The following SLC1A1 variants were observed in gnomAD, a reference collection of about 807,000 sequenced individuals.
SLC1A1 encodes the protein excitatory amino acid transporter 3.
A neutral mutation model predicts 53.3 loss-of-function variants in SLC1A1; 43 were observed. The observed-to-expected ratio is 0.81, with a 90% CI of 0.63 to 1.04. The LOEUF (loss-of-function observed/expected upper bound fraction) is 1.04, where lower values mean the gene tolerates loss of function less well. Among genes scored for constraint, SLC1A1 ranks in the 50% least tolerant of loss-of-function variants. The pLI is 0.00. For synonymous variants in SLC1A1, 307 were observed against 243.2 expected, an observed-to-expected ratio of 1.26 and a Z score of -2.44; for missense variants, 748 against 664.9, an observed-to-expected ratio of 1.12 and a Z score of -1.37.
chr9:4,495,811 C>T (rs978685617), intron 1 of SLC1A1, among the ~76,000 whole-genome samples: 4 of 152,134 alleles, frequency 2.6e-5, no homozygotes, highest in African/African-American at 9.7e-5. Flanking sequence ...TTGAGGTTAA[C>T]CTGCAGGGCT....
chr9:4,569,389 T>A (rs143128420), intron 6 of SLC1A1, among the ~76,000 whole-genome samples: 109 of 152,350 alleles, frequency 7.2e-4, no homozygotes, highest in Non-Finnish European at 1.4e-3. Context: ...AAATGGACCC[T>A]TAGTAGCCAG....
At chr9:4,539,403 C>T (rs1395065322) in intron 1 of SLC1A1, among the ~76,000 whole-genome samples, 3 of 152,044 alleles carry the variant, frequency 2.0e-5, no homozygotes, top group South Asian at 2.1e-4. Context: ...ACTTCAGAAC[C>T]TCTGAGACAA....
intron 11 of SLC1A1, 55 bp from the exon 12 acceptor site, chr9:4,585,257 G>A: frequency 1.2e-6 from 2 of 1,608,760 alleles, no homozygotes; most frequent in East Asian, 2.2e-5. Flanking sequence ...TCTCTCCAGT[G>A]ATGAAGGAAA....
chr9:4,541,900 T>C (rs1817045079), intron 1 of SLC1A1, among the ~76,000 whole-genome samples: 2 of 152,176 alleles, frequency 1.3e-5, no homozygotes, highest in Non-Finnish European at 2.9e-5. Flanking sequence ...ACTCTGTTAA[T>C]GGGTAAAGAA....
chr9:4,571,806 G>T (rs12336560), intron 6 of SLC1A1, among the ~76,000 whole-genome samples: 2 of 152,134 alleles, frequency 1.3e-5, no homozygotes, highest in Non-Finnish European at 2.9e-5. Flanking sequence ...GTTCACACTG[G>T]TAAGTATTCT....
intron 3 of SLC1A1, among the ~76,000 whole-genome samples, chr9:4,561,783 T>C (rs570379406): frequency 6.6e-6 from 1 of 152,274 alleles, no homozygotes; most frequent in Admixed American, 6.5e-5. Context: ...CCCAGCTACT[T>C]GGGAGGCTGA....
At position 4,582,506 on chromosome 9, in the gene SLC1A1, C is replaced by T. The variant is rs550023805; in HGVS notation, c.1194-532C>T. 1.8e-4 allele frequency among the ~76,000 whole-genome samples: 28 copies of T among 152,302 alleles called. No individual in the cohort carries two copies. In the East Asian group the frequency reaches 5.0e-3, roughly 27 times the overall value. Reference sequence around the variant, plus strand: ...TTCCTTTGCCTTCACCTGAAATGCCCTTGCCCATCTGCCCCTACAACTATC... The same window carrying T: ...TTCCTTTGCCTTCACCTGAAATGCCTTTGCCCATCTGCCCCTACAACTATC... On this transcript the variant is annotated intron_variant, in intron 10 of 11. Coordinates refer to ENST00000262352, the MANE Select transcript of SLC1A1 (RefSeq NM_004170.6).
intron 2 of SLC1A1, chr9:4,560,157 T>C (rs377351435): frequency 2.8e-4 from 43 of 152,240 alleles, no homozygotes; most frequent in African/African-American, 1.0e-3. Flanking sequence ...AATTTTAAGA[T>C]GTCTCACAAT....
chr9:4,513,471 C>T (rs1453100504), intron 1 of SLC1A1, among the ~76,000 whole-genome samples: 1 of 151,994 alleles, frequency 6.6e-6, no homozygotes, highest in Non-Finnish European at 1.5e-5. Flanking sequence ...CATCGTTGGC[C>T]GTTAGGGAAA....
At chr9:4,501,402 A>T (rs1331260041) in intron 1 of SLC1A1, among the ~76,000 whole-genome samples, 2 of 151,524 alleles carry the variant, frequency 1.3e-5, no homozygotes, top group Non-Finnish European at 2.9e-5. Flanking sequence ...ACATGGCCAC[A>T]TGGTGTGTTT....
chr9:4,585,293 T>G lies in SLC1A1; in HGVS notation c.1329-19T>G, dbSNP rs201679411. The G allele has an allele frequency of 2.2e-4, 347 of 1,612,670 alleles. 1 individual carries two copies. The Middle Eastern group carries it at 2.3e-3, about 11-fold the overall frequency. ...ATGAAATCTGGGCCTCCTGTCTGAC[T>G]CCTCCCGTCTCTCCCCAGGGACCGG... On this transcript the variant is annotated intron_variant, in intron 11 of 11. Transcript: ENST00000262352.
In SLC1A1 at chr9:4,569,131, T is replaced by G. The variant is rs78650596; in HGVS notation, c.582+1364T>G. Among the ~76,000 whole-genome samples the G allele has an allele frequency of 7.4e-3, 1,124 of 152,234 alleles. 7 individuals carry two copies. The highest frequency in any genetic ancestry group is 0.011 in the Non-Finnish European group (744 of 68,028). On this transcript the variant is annotated intron_variant, in intron 6 of 11. Coordinates refer to ENST00000262352, the MANE Select transcript of SLC1A1 (RefSeq NM_004170.6). ...TCTCTGGGTCTGCTTACAGTAGAGC[T>G]GGCCATCTCTAGAAACTGCTATAGA... is the stretch of plus-strand genomic sequence containing the variant.
At chr9:4,577,455 T>G (rs1005141492) in intron 10 of SLC1A1, among the ~76,000 whole-genome samples, 2 of 152,182 alleles carry the variant, frequency 1.3e-5, no homozygotes, top group Admixed American at 6.5e-5. Context: ...TTTGTCATAT[T>G]ATGGACAGAT....
At chr9:4,503,372 T>A (rs144231931) in intron 1 of SLC1A1, among the ~76,000 whole-genome samples, 1 of 152,046 alleles carries the variant, frequency 6.6e-6, no homozygotes, top group African/African-American at 2.4e-5. Flanking sequence ...CAAGTACTGA[T>A]GTTACTGATA....
chr9:4,570,509 TAC>T (rs1819930912), intron 6 of SLC1A1, among the ~76,000 whole-genome samples: 1 of 151,966 alleles, frequency 6.6e-6, no homozygotes, highest in Admixed American at 6.6e-5. Context: ...CAGCTGGGAT[TAC>T]AGGCACGTGC....
chr9:4,546,742 C>A (rs977097014), intron 2 of SLC1A1, among the ~76,000 whole-genome samples: 17 of 152,160 alleles, frequency 1.1e-4, no homozygotes, highest in Non-Finnish European at 1.5e-5. Flanking sequence ...AGCAATCCAC[C>A]CACCTCAACC....
At chr9:4,523,969 T>C (rs982658903) in intron 1 of SLC1A1, among the ~76,000 whole-genome samples, 5 of 152,242 alleles carry the variant, frequency 3.3e-5, no homozygotes, top group Admixed American at 6.5e-5. Context: ...GATGAATTCC[T>C]TTCTTCCTTC....
chr9:4,532,111 C>A (rs933793228), intron 1 of SLC1A1, among the ~76,000 whole-genome samples: 1 of 152,126 alleles, frequency 6.6e-6, no homozygotes, highest in Non-Finnish European at 1.5e-5. Flanking sequence ...GGGGAAAAAA[C>A]AGAGCAGAAA....
Position 4,571,496 on chromosome 9 carries a change from C to T in SLC1A1, c.583-708C>T, listed in dbSNP as rs12003205. ...TTCGAGACCACCCTGGCCAACACGG[C>T]GAAACCCTGTCTCTACTAAAAATAC... is the stretch of plus-strand genomic sequence containing the variant. On this transcript the variant is annotated intron_variant, in intron 6 of 11. Transcript: ENST00000262352. 4.1e-3 allele frequency among the ~76,000 whole-genome samples: 623 copies of T among 152,038 alleles called. 1 individual carries two copies. The highest frequency in any genetic ancestry group is 0.013 in the African/African-American group (543 of 41,444).
Sources: allele counts gnomAD v4.1 joint callset (sites outside exome capture counted in the v4.1 genomes callset), GRCh38; gene constraint gnomAD v4.1.1; transcripts MANE v1.5; gene names NCBI Gene and HGNC (gene_info 2026-07-23, HGNC 2026-07-21).